Variants in ADGRV1 observed in about 807,000 individuals in gnomAD.
ADGRV1 encodes adhesion G protein-coupled receptor V1.
In ADGRV1, 359 loss-of-function variants were observed where a neutral mutation model predicts 596.2. That is an observed-to-expected ratio of 0.60 (90% CI 0.55 to 0.66). The LOEUF (loss-of-function observed/expected upper bound fraction) is 0.66, where lower values mean the gene tolerates loss of function less well. ADGRV1 is among the 30% of genes least tolerant of loss of function. The probability of loss-of-function intolerance (pLI) is 0.00; values close to 1 mark genes in which losing one functional copy is unlikely to be tolerated. For missense variants in ADGRV1, 7,274 were observed against 7,575.6 expected, an observed-to-expected ratio of 0.96 and a Z score of 1.48; for synonymous variants, 2,681 against 2,679.2, an observed-to-expected ratio of 1.00 and a Z score of -0.02.
At chr5:90,827,172 G>T (rs80182695) in intron 76 of ADGRV1, among the ~76,000 whole-genome samples, 1 of 151,998 alleles carries the variant, frequency 6.6e-6, no homozygotes, top group African/African-American at 2.4e-5. Flanking sequence ...ACTAGTTAGG[G>T]CAAAAGATCA....
intron 86 of ADGRV1, among the ~76,000 whole-genome samples, chr5:91,100,758 T>C (rs1791306305): frequency 6.6e-6 from 1 of 152,216 alleles, no homozygotes; most frequent in South Asian, 2.1e-4. Context: ...ATGAACATCT[T>C]CAGTAACGGG....
intron 87 of ADGRV1, among the ~76,000 whole-genome samples, chr5:91,128,108 C>A (rs1793921841): frequency 6.6e-6 from 1 of 151,740 alleles, no homozygotes; most frequent in South Asian, 2.1e-4. Context: ...CCTCTCTCTG[C>A]CTCCTGCCTA....
chr5:90,763,573 A>G (rs935275878), intron 59 of ADGRV1, 104 bp downstream of exon 59: 3 of 1,143,924 alleles, frequency 2.6e-6, no homozygotes, highest in African/African-American at 3.0e-5. Context: ...GGTTTGTTAC[A>G]TGGGTATATT....
intron 75 of ADGRV1, among the ~76,000 whole-genome samples, chr5:90,816,873 C>T (rs1329511513): frequency 2.6e-5 from 4 of 151,860 alleles, no homozygotes; most frequent in East Asian, 3.9e-4. Context: ...AATAAACATA[C>T]GTGTGCATGT....
chr5:91,152,469 T>C (rs1796140988), intron 88 of ADGRV1, among the ~76,000 whole-genome samples: 1 of 152,056 alleles, frequency 6.6e-6, no homozygotes, highest in Non-Finnish European at 1.5e-5. Context: ...TTTCTTTGCA[T>C]ACATCTTACC....
chr5:91,062,431 G>C (rs1283488690), intron 85 of ADGRV1, among the ~76,000 whole-genome samples: 4 of 152,186 alleles, frequency 2.6e-5, no homozygotes, highest in Non-Finnish European at 4.4e-5. Context: ...CTGGGAGAGT[G>C]GGGGTGGAGG....
At position 90,652,547 on chromosome 5, in the gene ADGRV1, A is replaced by G. The variant is rs1354920585; in HGVS notation, c.3618A>G (p.Lys1206=). Residue 1206 remains lysine (K), a synonymous_variant, in exon 19 of 90, where the codon AAA becomes AAG. Coordinates refer to ENST00000405460, the MANE Select transcript of ADGRV1 (RefSeq NM_032119.4). ...AATTCAATGAATTTTATTTCCTAAAACTTGTAAACATTTCAGGTACTGTGT... is the reference window on the plus strand; with the variant it reads ...AATTCAATGAATTTTATTTCCTAAAGCTTGTAAACATTTCAGGTACTGTGT... ...IPEFNEFYFL[K]LVNISGGSPG... is the part of the protein sequence containing the mutation. 2 of 1,602,380 alleles carry G rather than the reference A, an allele frequency of 1.2e-6. No individual in the cohort carries two copies. The highest frequency in any genetic ancestry group is 2.7e-5 in the African/African-American group (2 of 74,660).
intron 83 of ADGRV1, among the ~76,000 whole-genome samples, chr5:90,870,393 A>G (rs1433085692): frequency 6.6e-6 from 1 of 152,212 alleles, no homozygotes; most frequent in Non-Finnish European, 1.5e-5. Flanking sequence ...ATTTGAAGCC[A>G]GATGTGTCTG....
At chr5:90,758,061 A>T (rs759011554) in intron 57 of ADGRV1, among the ~76,000 whole-genome samples, 1 of 152,182 alleles carries the variant, frequency 6.6e-6, no homozygotes, top group African/African-American at 2.4e-5. Context: ...TTTCCTAAGT[A>T]AAAAGAGTGG....
chr5:91,101,825 A>G (rs1195081621), intron 86 of ADGRV1, among the ~76,000 whole-genome samples: 1 of 152,166 alleles, frequency 6.6e-6, no homozygotes, highest in Admixed American at 6.5e-5. Context: ...ACGATGTTAT[A>G]TAATTTCTGT....
At chr5:91,111,209 A>G (rs1358557188) in intron 87 of ADGRV1, among the ~76,000 whole-genome samples, 1 of 152,052 alleles carries the variant, frequency 6.6e-6, no homozygotes, top group East Asian at 1.9e-4. Context: ...AAAATAACAA[A>G]CAGTTCTCTC....
At chr5:90,675,203 G>A (rs1417218922) in intron 23 of ADGRV1, 40 bp from the exon 24 acceptor site, 4 of 1,561,312 alleles carry the variant, frequency 2.6e-6, no homozygotes, top group Non-Finnish European at 3.5e-6. Context: ...TTCTTGCACA[G>A]TTCATTGGGA....
At chr5:91,066,899 A>G (rs1182904638) in intron 85 of ADGRV1, among the ~76,000 whole-genome samples, 1 of 152,216 alleles carries the variant, frequency 6.6e-6, no homozygotes, top group Non-Finnish European at 1.5e-5. Flanking sequence ...CAACGAGAAC[A>G]GGCATGCTGT....
chr5:91,152,543 C>CTTGTAGA (rs1796147618), intron 88 of ADGRV1, among the ~76,000 whole-genome samples: 1 of 152,160 alleles, frequency 6.6e-6, no homozygotes, highest in Admixed American at 6.5e-5. Flanking sequence ...ACATAGAAAT[C>CTTGTAGA]TACAAGTAAT....
At chr5:90,725,273 A>G in intron 47 of ADGRV1, 41 bp downstream of exon 47, 2 of 1,149,114 alleles carry the variant, frequency 1.7e-6, no homozygotes, top group Non-Finnish European at 2.4e-6. Flanking sequence ...CTTTCTTTAA[A>G]AGAAATTAAG....
intron 84 of ADGRV1, among the ~76,000 whole-genome samples, chr5:90,970,827 C>T (rs1778903066): frequency 6.6e-6 from 1 of 152,158 alleles, no homozygotes; most frequent in African/African-American, 2.4e-5. Context: ...CACAGCTCCT[C>T]ACCAGCAACA....
chr5:90,627,214 C>A lies in ADGRV1; in HGVS notation c.676C>A (p.Pro226Thr). Residue 226 changes from proline to threonine, a missense_variant, in exon 7 of 90, where the codon CCA (proline) becomes ACA (threonine). Pro to Thr is a conservative substitution (Grantham distance 38). Coordinates refer to ENST00000405460, the MANE Select transcript of ADGRV1 (RefSeq NM_032119.4). ...TCTGTTTATATTCCTTTAACAGGTACCAGAAAATGATGAAATATTTTTAAT... is the reference window on the plus strand; with the variant it reads ...TCTGTTTATATTCCTTTAACAGGTAACAGAAAATGATGAAATATTTTTAAT... ...YNLTVLDDEV[P>T]ENDEIFLIQL... 2 of 1,510,252 alleles carry A rather than the reference C, an allele frequency of 1.3e-6. No individual in the cohort carries two copies. The highest frequency in any genetic ancestry group is 8.9e-7 in the Non-Finnish European group (1 of 1,128,506). The allele number at this position is 1,510,252 out of a possible 1,614,324, so 93.6% of individuals were successfully genotyped here.
chr5:91,111,015 A>G (rs1245934400), intron 87 of ADGRV1, among the ~76,000 whole-genome samples: 2 of 152,186 alleles, frequency 1.3e-5, no homozygotes, highest in Admixed American at 6.5e-5. Flanking sequence ...TATATAGTCC[A>G]TCTTCAGACT....
At chr5:91,108,741 C>A (rs1163375136) in intron 87 of ADGRV1, among the ~76,000 whole-genome samples, 2 of 152,070 alleles carry the variant, frequency 1.3e-5, no homozygotes, top group Non-Finnish European at 2.9e-5. Flanking sequence ...CAGGCACATA[C>A]CACCATGCCT....
Sources: gnomAD v4.1 joint callset for allele counts (sites outside exome capture counted in the v4.1 genomes callset) on GRCh38, gnomAD v4.1.1 for gene constraint, MANE v1.5 for transcripts, NCBI Gene and HGNC (gene_info 2026-07-23, HGNC 2026-07-21) for gene names.